Variants in NDST3 observed in about 807,000 individuals in gnomAD.
NDST3 encodes the protein bifunctional heparan sulfate N-deacetylase/N-sulfotransferase 3.
NDST3 carries 58 observed loss-of-function variants against 96.1 expected under a neutral mutation model. The observed-to-expected ratio is 0.60, with a 90% confidence interval of 0.49 to 0.75. The LOEUF is 0.75. Ranked by LOEUF, NDST3 falls within the 30% of genes least tolerant of loss-of-function variation. The pLI is 0.00. For synonymous variants in NDST3, 333 were observed against 359.7 expected (o/e 0.93, Z 0.84); for missense variants, 788 against 1,034.2 (o/e 0.76, Z 3.27).
At chr4:118,089,360 T>C (rs1037305221) in intron 2 of NDST3, among the ~76,000 whole-genome samples, 7 of 151,890 alleles carry the variant, frequency 4.6e-5, no homozygotes, top group Admixed American at 2.6e-4. Flanking sequence ...AAAAAAACTT[T>C]TTCCATTAAG....
intron 2 of NDST3, among the ~76,000 whole-genome samples, chr4:118,067,462 T>A (rs56403662): frequency 0.037 from 5,608 of 152,156 alleles, 168 homozygotes; most frequent in Non-Finnish European, 0.058. Flanking sequence ...AATGGAAAAC[T>A]AAAGACACAT....
At chr4:118,072,383 T>C (rs1727154742) in intron 2 of NDST3, among the ~76,000 whole-genome samples, 2 of 152,150 alleles carry the variant, frequency 1.3e-5, no homozygotes, top group South Asian at 4.1e-4. Context: ...ATTCCTTTCT[T>C]TGTGTTGTTT....
In NDST3 at chr4:118,067,854, C is replaced by T. The variant is rs183766972; in HGVS notation, c.981+12963C>T. 3.5e-4 allele frequency among the ~76,000 whole-genome samples: 53 copies of T among 151,746 alleles called. No individual in the cohort carries two copies. The East Asian group carries it at 8.1e-3, about 23-fold the overall frequency. The stretch of plus-strand genomic sequence containing the variant: ...GATTGATAGGTGCAGCAAACCACCA[C>T]GGCACATGTATACCTATATAACAAA... On this transcript the variant is annotated intron_variant, in intron 2 of 13. Transcript: ENST00000296499.
rs548773504 is a variant in NDST3 at position 118,241,762 on chromosome 4, TTTTCTAGTCACTTTTCTA to T, written c.2290-277_2290-260del. On this transcript the variant is annotated intron_variant, in intron 11 of 13. Transcript: ENST00000296499. ...TTTGAAAGTTGGTTTCCATTTGTGATTTTCTAGTCACTTTTCTAAGCTCTCTTGGTCTTTCAACTGCCT... is the reference window on the plus strand; with the variant it reads ...TTTGAAAGTTGGTTTCCATTTGTGATAGCTCTCTTGGTCTTTCAACTGCCT... Among the ~76,000 whole-genome samples, 141 of 152,312 alleles carry T rather than the reference TTTTCTAGTCACTTTTCTA, an allele frequency of 9.3e-4. No individual in the cohort carries two copies. The East Asian group carries it at 0.025, about 27-fold the overall frequency.
At chr4:118,237,801 A>G (rs145310435) in intron 10 of NDST3, among the ~76,000 whole-genome samples, 5 of 152,148 alleles carry the variant, frequency 3.3e-5, no homozygotes, top group Non-Finnish European at 7.4e-5. Context: ...GCTTAGTGGC[A>G]AAACTAATAT....
rs879810413 is a variant in NDST3 at position 118,160,482 on chromosome 4, C to A, written c.1539+16798C>A. On this transcript the variant is annotated intron_variant, in intron 6 of 13. Coordinates refer to ENST00000296499, the MANE Select transcript of NDST3 (RefSeq NM_004784.3). Reference sequence around the variant, plus strand: ...ACAAATTTACAAGAAAAAAAAAAAACAACTTTATTTAAAAAGTGAGCAAGG... The same window carrying A: ...ACAAATTTACAAGAAAAAAAAAAAAAAACTTTATTTAAAAAGTGAGCAAGG... Among the ~76,000 whole-genome samples, 1,215 of 148,962 alleles carry A rather than the reference C, an allele frequency of 8.2e-3. 7 individuals carry two copies. The highest frequency in any genetic ancestry group is 0.014 in the Non-Finnish European group (911 of 67,136).
chr4:118,055,826 C>G (rs911086227), intron 2 of NDST3, among the ~76,000 whole-genome samples: 1 of 151,796 alleles, frequency 6.6e-6, no homozygotes, highest in Non-Finnish European at 1.5e-5. Flanking sequence ...ATCTTGAAAA[C>G]TTTGTTCTTT....
chr4:118,217,336 T>G (rs1739255247), intron 6 of NDST3, among the ~76,000 whole-genome samples: 1 of 152,078 alleles, frequency 6.6e-6, no homozygotes, highest in Non-Finnish European at 1.5e-5. Flanking sequence ...GTTGACACAC[T>G]GAACTTTATT....
At chr4:118,061,076 C>G (rs12505642) in intron 2 of NDST3, among the ~76,000 whole-genome samples, 115,390 of 152,002 alleles carry the variant, frequency 0.76, 46,183 homozygotes, top group South Asian at 0.92. Flanking sequence ...TCATGACCCC[C>G]CTCTGCTCAA....
At chr4:118,227,766 C>T (rs1383712428) in intron 8 of NDST3, among the ~76,000 whole-genome samples, 3 of 152,114 alleles carry the variant, frequency 2.0e-5, no homozygotes, top group African/African-American at 7.2e-5. Context: ...CGCCTGCCAC[C>T]ATGCCCGGCT....
At chr4:118,251,088 T>TTTTATTTATTTATTTA (rs372261437) in intron 12 of NDST3, among the ~76,000 whole-genome samples, 9 of 140,032 alleles carry the variant, frequency 6.4e-5, no homozygotes, top group African/African-American at 1.0e-4. Context: ...GCTATAAATT[T>TTTTATTTATTTATTTA]TTTATTTATT....
chr4:118,066,010 T>C (rs1726288244), intron 2 of NDST3, among the ~76,000 whole-genome samples: 1 of 140,182 alleles, frequency 7.1e-6, no homozygotes, highest in Non-Finnish European at 1.5e-5. Flanking sequence ...AACAAAGATC[T>C]ATCCTCAAAA....
intron 6 of NDST3, among the ~76,000 whole-genome samples, chr4:118,209,069 G>C (rs10213280): frequency 0.16 from 23,530 of 145,356 alleles, 2,357 homozygotes; most frequent in South Asian, 0.21. Context: ...TCAATTTTCT[G>C]GAAAGTTTTT....
At chr4:118,179,159 G>A (rs1365162356) in intron 6 of NDST3, among the ~76,000 whole-genome samples, 1 of 151,848 alleles carries the variant, frequency 6.6e-6, no homozygotes, top group Non-Finnish European at 1.5e-5. Flanking sequence ...CTTTGCCCTG[G>A]GGGGAGACAC....
chr4:118,113,460 C>T (rs4240318), intron 3 of NDST3, among the ~76,000 whole-genome samples: 128,731 of 152,198 alleles, frequency 0.85, 56,246 homozygotes, highest in South Asian at 0.96. Context: ...ACTCACTCTA[C>T]AGCACTTAAT....
At chr4:118,171,253 C>A (rs935403645) in intron 6 of NDST3, among the ~76,000 whole-genome samples, 5 of 152,132 alleles carry the variant, frequency 3.3e-5, no homozygotes, top group African/African-American at 4.8e-5. Flanking sequence ...CTCACTACCC[C>A]CAAAAAGGCC....
intron 2 of NDST3, among the ~76,000 whole-genome samples, chr4:118,073,863 T>G (rs1727281628): frequency 6.6e-6 from 1 of 151,978 alleles, no homozygotes; most frequent in Admixed American, 6.6e-5. Flanking sequence ...TTCTAACTTT[T>G]TATGTGATGT....
At position 118,258,343 on chromosome 4, in the gene NDST3, G is replaced by A. The variant is rs1444594923; in HGVS notation, c.*2631G>A. 1 of 152,206 alleles carries A rather than the reference G, an allele frequency of 6.6e-6. No individual in the cohort carries two copies. The highest frequency in any genetic ancestry group is 2.4e-5 in the African/African-American group (1 of 41,452). 9.4% of individuals were successfully genotyped at this position (152,206 alleles called of 1,614,324 possible). A position where few individuals can be genotyped will look rare whatever the true frequency, so the allele number is the denominator to read the frequency against. On this transcript the variant is annotated 3_prime_UTR_variant, in exon 14 of 14. Transcript: ENST00000296499. ...ATTATATACTCCAACTGGTTAATAT[G>A]CTAATCTGAAAGTAACATAAATACA...
At chr4:118,060,246 TG>T (rs1324129503) in intron 2 of NDST3, among the ~76,000 whole-genome samples, 1 of 152,192 alleles carries the variant, frequency 6.6e-6, no homozygotes, top group Non-Finnish European at 1.5e-5. Flanking sequence ...TTCTATATTT[TG>T]AAGCTATGTT....
Sources: allele counts gnomAD v4.1 joint callset (sites outside exome capture counted in the v4.1 genomes callset), GRCh38; gene constraint gnomAD v4.1.1; transcripts MANE v1.5; gene names NCBI Gene and HGNC (gene_info 2026-07-23, HGNC 2026-07-21).